The following PAK3 variants were observed in gnomAD, a reference collection of about 807,000 sequenced individuals.
PAK3 encodes serine/threonine-protein kinase PAK 3.
PAK3 carries 4 observed loss-of-function variants against 41.0 expected under a neutral mutation model. The ratio of observed to expected loss-of-function variants is 0.10; its 90% CI spans 0.05 to 0.22. The LOEUF is 0.22. Among genes scored for constraint, PAK3 ranks in the 10% least tolerant of loss-of-function variants. PAK3 has a pLI of 1.00. For synonymous variants in PAK3, 146 were observed against 139.6 expected (o/e 1.05, Z -0.32); for missense variants, 205 against 409.9 (o/e 0.50, Z 4.32).
chrX:111,124,007 G>T (rs2093614985), intron 5 of PAK3, among the ~76,000 whole-genome samples: 1 of 111,834 alleles, frequency 8.9e-6, no homozygotes, highest in South Asian at 3.8e-4. Context: ...TATGAAGCAA[G>T]TACAAGGGCA....
At chrX:110,945,645 G>GTA (rs2090602791) in intron 1 of PAK3, among the ~76,000 whole-genome samples, 1 of 111,894 alleles carries the variant, frequency 8.9e-6, no homozygotes, top group South Asian at 3.7e-4. Flanking sequence ...TGAAGTTAGT[G>GTA]GTGTGCTAGG....
At chrX:111,193,660 CA>C (rs1200222799) in intron 13 of PAK3, among the ~76,000 whole-genome samples, 1 of 111,055 alleles carries the variant, frequency 9.0e-6, no homozygotes, top group African/African-American at 3.3e-5. Flanking sequence ...GCAAATTTTA[CA>C]GTCTTGATCA....
intron 1 of PAK3, among the ~76,000 whole-genome samples, chrX:111,061,167 T>C (rs2092652512): frequency 8.9e-6 from 1 of 112,186 alleles, no homozygotes; most frequent in Non-Finnish European, 1.9e-5. Context: ...TTGCAAATGG[T>C]ATATTTTAGG....
chrX:111,044,654 G>A (rs955023815), intron 1 of PAK3, among the ~76,000 whole-genome samples: 2 of 111,890 alleles, frequency 1.8e-5, no homozygotes, highest in Non-Finnish European at 3.8e-5. Flanking sequence ...CTCCTCTGCC[G>A]TCTGCCATTG....
rs1297930781 is a variant in PAK3, at chrX:111,222,862, A to C, written c.*2415A>C. 1.8e-5 allele frequency: 2 copies of C among 111,299 alleles called. No individual in the cohort carries two copies. Among genetic ancestry groups the C allele is most frequent in the Non-Finnish European group, 3.8e-5 (2 of 53,024 alleles). The allele number at this position is 111,299 out of a possible 1,213,427, so 9.2% of individuals were successfully genotyped here. Reference sequence around the variant, plus strand: ...TATGCTTTCAGTTCAGCATATTAACAATGAGGAGCCAGGTACTTCTTTACT... The same window carrying C: ...TATGCTTTCAGTTCAGCATATTAACCATGAGGAGCCAGGTACTTCTTTACT... On this transcript the variant is annotated 3_prime_UTR_variant, in exon 18 of 18. Coordinates refer to ENST00000372007, the MANE Select transcript of PAK3 (RefSeq NM_002578.5).
chrX:111,175,153 G>C (rs866310322), intron 11 of PAK3, among the ~76,000 whole-genome samples: 1 of 111,324 alleles, frequency 9.0e-6, no homozygotes, highest in Non-Finnish European at 1.9e-5. Context: ...ATGAGTCTCA[G>C]GTGGAGCTAA....
intron 3 of PAK3, among the ~76,000 whole-genome samples, chrX:111,101,145 A>G (rs1273540729): frequency 1.8e-5 from 2 of 112,177 alleles, no homozygotes; most frequent in Admixed American, 9.4e-5. Context: ...CACACACGAT[A>G]TGATGCAGAC....
intron 1 of PAK3, chrX:111,096,869 T>TACACACAC (rs771301130): frequency 0.32 from 22,701 of 71,943 alleles, 3,868 homozygotes; most frequent in South Asian, 0.47. Flanking sequence ...CCCCGCCCCT[T>TACACACAC]ACACACACAC....
intron 1 of PAK3, among the ~76,000 whole-genome samples, chrX:111,050,186 ACT>A (rs1201488451): frequency 9.0e-6 from 1 of 110,918 alleles, no homozygotes; most frequent in Non-Finnish European, 1.9e-5. Flanking sequence ...CTCTTGAATA[ACT>A]CTGTGGATGT....
At chrX:111,127,444 A>G (rs1302690683) in intron 5 of PAK3, among the ~76,000 whole-genome samples, 4 of 105,884 alleles carry the variant, frequency 3.8e-5, no homozygotes, top group Non-Finnish European at 7.9e-5. Context: ...CAGGTAGAAG[A>G]AAAAAAAAAA....
intron 1 of PAK3, among the ~76,000 whole-genome samples, chrX:111,054,188 C>T (rs2092584440): frequency 2.7e-5 from 3 of 112,345 alleles, no homozygotes; most frequent in Non-Finnish European, 5.6e-5. Flanking sequence ...GCTGGGTCTG[C>T]TGTGAGGCTG....
chrX:110,948,434 A>G (rs1007652920), intron 1 of PAK3, among the ~76,000 whole-genome samples: 6 of 111,782 alleles, frequency 5.4e-5, no homozygotes, highest in Non-Finnish European at 1.1e-4. Flanking sequence ...TCCTGTTTAC[A>G]GGAGACGCTT....
At chrX:111,188,221 C>T (rs765403363) in intron 11 of PAK3, among the ~76,000 whole-genome samples, 6 of 109,099 alleles carry the variant, frequency 5.5e-5, no homozygotes, top group African/African-American at 1.0e-4. Flanking sequence ...ACAAAACCCA[C>T]GAATTTGAAA....
chrX:111,216,384 G>GTATTTAA, intron 16 of PAK3, 37 bp from the exon 17 acceptor site: 2 of 1,086,892 alleles, frequency 1.8e-6, no homozygotes, highest in Non-Finnish European at 2.6e-6. Flanking sequence ...ATTTTAATAT[G>GTATTTAA]TATGTGCTGA....
chrX:110,969,094 A>ATTTTTTTTTTTTTTTTTTTT (rs60724970), intron 1 of PAK3, among the ~76,000 whole-genome samples: 65 of 40,609 alleles, frequency 1.6e-3, no homozygotes, highest in East Asian at 3.2e-3. Flanking sequence ...GACCTGCCTA[A>ATTTTTTTTTTTTTTTTTTTT]TTTTTTTTTT....
intron 1 of PAK3, among the ~76,000 whole-genome samples, chrX:111,070,901 G>A (rs918148165): frequency 5.4e-5 from 6 of 111,833 alleles, no homozygotes; most frequent in African/African-American, 2.0e-4. Context: ...GTTACATGCT[G>A]TGCCCCTGGT....
At chrX:111,078,376 A>C (rs960627108) in intron 1 of PAK3, among the ~76,000 whole-genome samples, 1 of 110,169 alleles carries the variant, frequency 9.1e-6, no homozygotes, top group African/African-American at 3.3e-5. Flanking sequence ...TCTGTGTCAC[A>C]CATTGGTAAT....
At chrX:111,062,802 C>A (rs2092668131) in intron 1 of PAK3, among the ~76,000 whole-genome samples, 1 of 108,689 alleles carries the variant, frequency 9.2e-6, no homozygotes, top group South Asian at 4.1e-4. Flanking sequence ...CACTTTCCAA[C>A]TCTCCATTAA....
At chrX:111,177,355 G>A (rs187304528) in intron 11 of PAK3, among the ~76,000 whole-genome samples, 3 of 111,851 alleles carry the variant, frequency 2.7e-5, no homozygotes, top group East Asian at 5.7e-4. Flanking sequence ...CAGCATTCAG[G>A]CCTGGGGCCA....
Sources: gnomAD v4.1 joint callset for allele counts (sites outside exome capture counted in the v4.1 genomes callset) on GRCh38, gnomAD v4.1.1 for gene constraint, MANE v1.5 for transcripts, NCBI Gene and HGNC (gene_info 2026-07-23, HGNC 2026-07-21) for gene names.